The following LY86 variants were observed in gnomAD, a reference collection of about 807,000 sequenced individuals.
LY86 encodes lymphocyte antigen 86.
In LY86, 20 loss-of-function variants were observed where a neutral mutation model predicts 17.3. That is an observed-to-expected ratio of 1.15 (90% CI 0.81 to 1.68). LY86 has a LOEUF of 1.68. Among genes scored for constraint, LY86 ranks in the 40% most tolerant of loss-of-function variants. The probability of loss-of-function intolerance (pLI) is 0.00; values close to 1 mark genes in which losing one functional copy is unlikely to be tolerated. For synonymous variants in LY86, 74 were observed against 70.6 expected, an observed-to-expected ratio of 1.05 and a Z score of -0.24; for missense variants, 200 against 191.9, an observed-to-expected ratio of 1.04 and a Z score of -0.25.
intron 4 of LY86, among the ~76,000 whole-genome samples, chr6:6,652,900 T>C (rs1340950669): frequency 1.3e-5 from 2 of 152,236 alleles, no homozygotes; most frequent in Non-Finnish European, 2.9e-5. Context: ...ATTCTTGTGT[T>C]GTTCAATACA....
chr6:6,641,888 G>C (rs1762045692), intron 3 of LY86, among the ~76,000 whole-genome samples: 1 of 152,232 alleles, frequency 6.6e-6, no homozygotes, highest in East Asian at 1.9e-4. Flanking sequence ...TCAGGGAGCT[G>C]ATTACCAGCA....
At chr6:6,654,173 T>C (rs1020573780) in intron 4 of LY86, among the ~76,000 whole-genome samples, 1 of 152,202 alleles carries the variant, frequency 6.6e-6, no homozygotes, top group East Asian at 1.9e-4. Context: ...CACTGCACCT[T>C]CTTGCATCTG....
At chr6:6,593,510 C>T (rs565273510) in intron 1 of LY86, among the ~76,000 whole-genome samples, 70 of 152,306 alleles carry the variant, frequency 4.6e-4, no homozygotes, top group Admixed American at 4.1e-3. Context: ...ATATTACCTA[C>T]GCAAAGGGCT....
At chr6:6,607,480 TAAACA>T (rs1761214723) in intron 1 of LY86, among the ~76,000 whole-genome samples, 1 of 151,252 alleles carries the variant, frequency 6.6e-6, no homozygotes, top group Non-Finnish European at 1.5e-5. Context: ...TTCCAAACTA[TAAACA>T]AAACAATAAA....
intron 4 of LY86, among the ~76,000 whole-genome samples, chr6:6,651,635 T>A (rs1762188403): frequency 6.6e-6 from 1 of 152,230 alleles, no homozygotes; most frequent in Non-Finnish European, 1.5e-5. Context: ...AACTAGAGGC[T>A]GACTTAAAAT....
intron 1 of LY86, among the ~76,000 whole-genome samples, chr6:6,612,194 C>G (rs923600071): frequency 6.6e-6 from 1 of 152,142 alleles, no homozygotes; most frequent in African/African-American, 2.4e-5. Flanking sequence ...ACTTCAAGAA[C>G]GAAGCCACAG....
intron 1 of LY86, among the ~76,000 whole-genome samples, chr6:6,624,088 T>C (rs771628446): frequency 3.3e-5 from 5 of 152,050 alleles, no homozygotes; most frequent in African/African-American, 7.2e-5. Flanking sequence ...ACTAAGACCA[T>C]TGCAAATGGG....
At chr6:6,616,843 TGGCC>T (rs1761566081) in intron 1 of LY86, among the ~76,000 whole-genome samples, 1 of 152,234 alleles carries the variant, frequency 6.6e-6, no homozygotes, top group African/African-American at 2.4e-5. Context: ...CCTGTGCATC[TGGCC>T]CTGTTTCTGT....
At chr6:6,619,766 G>T (rs1761632562) in intron 1 of LY86, among the ~76,000 whole-genome samples, 2 of 152,164 alleles carry the variant, frequency 1.3e-5, no homozygotes, top group South Asian at 4.1e-4. Flanking sequence ...AGAAAAGTCA[G>T]TGTTCTTAAT....
intron 1 of LY86, among the ~76,000 whole-genome samples, chr6:6,612,327 G>A (rs565316105): frequency 1.1e-4 from 16 of 152,212 alleles, no homozygotes; most frequent in Non-Finnish European, 1.0e-4. Context: ...TGAAACTGCA[G>A]ACCCTCGCAG....
chr6:6,605,574 G>T (rs150565999), intron 1 of LY86, among the ~76,000 whole-genome samples: 1 of 152,234 alleles, frequency 6.6e-6, no homozygotes, highest in African/African-American at 2.4e-5. Flanking sequence ...GTGGGAGAAA[G>T]CGCATGACAG....
intron 4 of LY86, among the ~76,000 whole-genome samples, chr6:6,651,450 A>G (rs900960537): frequency 6.6e-6 from 1 of 152,070 alleles, no homozygotes; most frequent in Admixed American, 6.5e-5. Context: ...GGAAATCTCT[A>G]GTTTCCTCCT....
chr6:6,636,308 A>C (rs764601699), intron 3 of LY86, among the ~76,000 whole-genome samples: 2 of 152,252 alleles, frequency 1.3e-5, no homozygotes, highest in Non-Finnish European at 2.9e-5. Flanking sequence ...TCATCTGTAC[A>C]ATATAGAAAA....
intron 3 of LY86, among the ~76,000 whole-genome samples, chr6:6,639,865 A>T (rs1295796916): frequency 6.6e-6 from 1 of 152,190 alleles, no homozygotes; most frequent in East Asian, 1.9e-4. Flanking sequence ...TGCCTTGCTG[A>T]ACTCTGTGTG....
intron 2 of LY86, among the ~76,000 whole-genome samples, chr6:6,625,723 A>G (rs1328415194): frequency 6.6e-6 from 1 of 152,210 alleles, no homozygotes; most frequent in Non-Finnish European, 1.5e-5. Context: ...AATCTTACAC[A>G]GTATCTGGAC....
chr6:6,606,569 CG>C (rs977086160), intron 1 of LY86, among the ~76,000 whole-genome samples: 1 of 152,152 alleles, frequency 6.6e-6, no homozygotes, highest in Non-Finnish European at 1.5e-5. Flanking sequence ...GCCCACGGAG[CG>C]GGGGGAGGCT....
chr6:6,651,093 T>C (rs534405444), intron 4 of LY86, among the ~76,000 whole-genome samples: 1 of 152,346 alleles, frequency 6.6e-6, no homozygotes, highest in East Asian at 1.9e-4. Context: ...TGTGTATATA[T>C]ACCACATCTT....
At chr6:6,616,086 A>G (rs1581243790) in intron 1 of LY86, among the ~76,000 whole-genome samples, 1 of 152,194 alleles carries the variant, frequency 6.6e-6, no homozygotes, top group African/African-American at 2.4e-5. Flanking sequence ...GATGCTTTAT[A>G]TGCATTATTT....
chr6:6,624,887 G>A (rs749837341), intron 1 of LY86, 39 bp from the exon 2 acceptor site: 18 of 909,604 alleles, frequency 2.0e-5, no homozygotes, highest in African/African-American at 1.8e-4. Context: ...CAAAATATAC[G>A]ATGTACTCGC....
Sources: gnomAD v4.1 joint callset for allele counts (sites outside exome capture counted in the v4.1 genomes callset) on GRCh38, gnomAD v4.1.1 for gene constraint, MANE v1.5 for transcripts, NCBI Gene and HGNC (gene_info 2026-07-23, HGNC 2026-07-21) for gene names.